The following CARMIL1 variants were observed in gnomAD, a reference collection of about 807,000 sequenced individuals.
The protein encoded by CARMIL1 is capping protein regulator and myosin 1 linker 1, also known as F-actin-uncapping protein LRRC16A.
Under a neutral mutation model 177.1 loss-of-function variants are expected in CARMIL1, and 90 were observed. That is an observed-to-expected ratio of 0.51 (90% CI 0.43 to 0.61). CARMIL1 has a LOEUF of 0.61. Among genes scored for constraint, CARMIL1 ranks in the 20% least tolerant of loss-of-function variants. The pLI is 0.00. For missense variants in CARMIL1, 1,380 were observed against 1,667.0 expected, an observed-to-expected ratio of 0.83 and a Z score of 3.00; for synonymous variants, 577 against 606.2, an observed-to-expected ratio of 0.95 and a Z score of 0.71.
Position 25,471,274 on chromosome 6 carries a change from A to G in CARMIL1, c.779+17A>G. The G allele has an allele frequency of 6.4e-7, 1 of 1,556,654 alleles. No individual in the cohort carries two copies. The highest frequency in any genetic ancestry group is 8.8e-7 in the Non-Finnish European group (1 of 1,133,734). On this transcript the variant is annotated intron_variant, in intron 10 of 36. Transcript: ENST00000329474. ...ACTTAGAACGTGAGTATTTTCCTGA[A>G]TATATAAATATGTTGCTTTAAAACT...
chr6:25,485,699 T>G (rs1802573473), intron 12 of CARMIL1, among the ~76,000 whole-genome samples: 1 of 152,134 alleles, frequency 6.6e-6, no homozygotes, highest in South Asian at 2.1e-4. Flanking sequence ...CCTCCCAAAG[T>G]GCTGGGATTA....
At chr6:25,488,713 G>GT in intron 13 of CARMIL1, 128 bp downstream of exon 13, 2 of 756,216 alleles carry the variant, frequency 2.6e-6, no homozygotes, top group Non-Finnish European at 4.6e-6. Context: ...GAATCATTTA[G>GT]TTACGAGCTT....
intron 2 of CARMIL1, among the ~76,000 whole-genome samples, chr6:25,413,847 T>A (rs1795134904): frequency 6.6e-6 from 1 of 152,168 alleles, no homozygotes; most frequent in African/African-American, 2.4e-5. Flanking sequence ...AATTCTTCCC[T>A]TCAAAGCCAA....
chr6:25,597,284 T>A (rs1041244604), intron 32 of CARMIL1, among the ~76,000 whole-genome samples: 4 of 152,060 alleles, frequency 2.6e-5, no homozygotes, highest in African/African-American at 4.8e-5. Context: ...CACCTCCCAA[T>A]ACTATCAAAA....
chr6:25,485,973 G>C (rs1235203720), intron 12 of CARMIL1, among the ~76,000 whole-genome samples: 3 of 150,116 alleles, frequency 2.0e-5, no homozygotes, highest in Non-Finnish European at 3.0e-5. Flanking sequence ...CATCACCACT[G>C]CCTCCAAATA....
chr6:25,296,445 A>G (rs1274696806), intron 2 of CARMIL1, among the ~76,000 whole-genome samples: 1 of 152,236 alleles, frequency 6.6e-6, no homozygotes, highest in African/African-American at 2.4e-5. Flanking sequence ...CCTGGCAGAT[A>G]GGATGATATT....
At chr6:25,592,570 G>T (rs1381423403) in intron 31 of CARMIL1, among the ~76,000 whole-genome samples, 1 of 152,130 alleles carries the variant, frequency 6.6e-6, no homozygotes, top group African/African-American at 2.4e-5. Flanking sequence ...AGGGTTCTTT[G>T]CCTATTATCT....
chr6:25,535,838 C>G (rs1367321675), intron 24 of CARMIL1, among the ~76,000 whole-genome samples: 1 of 152,148 alleles, frequency 6.6e-6, no homozygotes, highest in Non-Finnish European at 1.5e-5. Flanking sequence ...TGAGCTCTTT[C>G]ATGGTAAAGG....
At position 25,279,436 on chromosome 6, in the gene CARMIL1, A is replaced by G. The variant is rs1780887807; in HGVS notation, c.-360A>G. On this transcript the variant is annotated 5_prime_UTR_variant, in exon 1 of 37. Coordinates refer to ENST00000329474, the MANE Select transcript of CARMIL1 (RefSeq NM_017640.6). ...AGGTGCGGCGCGGAGGCTGGGCGGG[A>G]GCTACGCCGGCCCAAGCCCCGCCGG... 4 of 379,550 alleles carry G rather than the reference A, an allele frequency of 1.1e-5. No homozygotes were observed. Among genetic ancestry groups the G allele is most frequent in the South Asian group, 1.0e-4 (4 of 38,348 alleles). 23.5% of individuals were successfully genotyped at this position (379,550 alleles called of 1,614,324 possible).
chr6:25,282,352 T>C (rs917609291), intron 1 of CARMIL1, among the ~76,000 whole-genome samples: 7 of 152,130 alleles, frequency 4.6e-5, no homozygotes, highest in Admixed American at 1.3e-4. Flanking sequence ...GTTTCTCGAG[T>C]TCTGATAAGA....
intron 2 of CARMIL1, among the ~76,000 whole-genome samples, chr6:25,418,950 G>A (rs996945094): frequency 2.0e-5 from 3 of 152,074 alleles, no homozygotes; most frequent in African/African-American, 4.8e-5. Context: ...ATCCCCTACC[G>A]TGATGACATA....
At chr6:25,475,812 A>AT (rs1172944821) in intron 11 of CARMIL1, among the ~76,000 whole-genome samples, 2 of 152,212 alleles carry the variant, frequency 1.3e-5, no homozygotes, top group Non-Finnish European at 2.9e-5. Flanking sequence ...GTGCAGCCAC[A>AT]TTAGACAACT....
intron 32 of CARMIL1, 25 bp from the exon 33 acceptor site, chr6:25,600,289 A>G (rs1297068131): frequency 1.3e-6 from 2 of 1,580,030 alleles, no homozygotes; most frequent in Non-Finnish European, 1.7e-6. Flanking sequence ...AAAACAACAG[A>G]TCTGTGTCTT....
intron 17 of CARMIL1, among the ~76,000 whole-genome samples, chr6:25,508,690 A>C (rs1307241506): frequency 6.6e-6 from 1 of 152,236 alleles, no homozygotes; most frequent in Non-Finnish European, 1.5e-5. Context: ...CTTTTTATAA[A>C]TTTTAATTTT....
chr6:25,461,607 A>G (rs532841696), intron 8 of CARMIL1, among the ~76,000 whole-genome samples: 39 of 152,378 alleles, frequency 2.6e-4, no homozygotes, highest in Admixed American at 5.9e-4. Context: ...AGTTTCTGGT[A>G]ATTATGAACA....
intron 1 of CARMIL1, among the ~76,000 whole-genome samples, chr6:25,281,132 GCGCGCACACACACA>G (rs112967244): frequency 0.063 from 6,321 of 99,870 alleles, 398 homozygotes; most frequent in African/African-American, 0.2. Context: ...GCGTGTGCGC[GCGCGCACACACACA>G]CACACACACA....
chr6:25,345,561 G>A (rs762975996), intron 2 of CARMIL1, among the ~76,000 whole-genome samples: 5 of 152,146 alleles, frequency 3.3e-5, no homozygotes, highest in Non-Finnish European at 7.4e-5. Flanking sequence ...TCCCATCTCA[G>A]TTAATAGCAT....
At position 25,550,809 on chromosome 6, in the gene CARMIL1, C is replaced by G. The variant is rs111695034; in HGVS notation, c.2329-101C>G. The G allele has an allele frequency of 9.5e-4, 1,024 of 1,073,736 alleles. 5 individuals carry two copies. The African/African-American group carries it at 0.014, about 14-fold the overall frequency. The allele number at this position is 1,073,736 out of a possible 1,614,324, so 66.5% of individuals were successfully genotyped here. On this transcript the variant is annotated intron_variant, in intron 26 of 36. Coordinates refer to ENST00000329474, the MANE Select transcript of CARMIL1 (RefSeq NM_017640.6). ...TCTGGGACTCCGTCGTGCTCCTGTT[C>G]TCTGAGGGCTCCGTGTCATATATAA...
chr6:25,324,544 G>C (rs1358272932), intron 2 of CARMIL1, among the ~76,000 whole-genome samples: 3 of 152,138 alleles, frequency 2.0e-5, no homozygotes. Context: ...CAGTTTCATG[G>C]CTTTTCCTCT....
Sources: allele counts gnomAD v4.1 joint callset (sites outside exome capture counted in the v4.1 genomes callset), GRCh38; gene constraint gnomAD v4.1.1; transcripts MANE v1.5; gene names NCBI Gene and HGNC (gene_info 2026-07-23, HGNC 2026-07-21).